Variants in ANKRD33B observed in about 807,000 individuals in gnomAD.
ANKRD33B encodes the protein ankyrin repeat domain-containing protein 33B.
ANKRD33B carries 6 observed loss-of-function variants against 21.5 expected under a neutral mutation model. That is an observed-to-expected ratio of 0.28 (90% CI 0.15 to 0.55). The LOEUF (loss-of-function observed/expected upper bound fraction) is 0.55. ANKRD33B is among the 20% of genes least tolerant of loss of function. The pLI is 0.94. For missense variants in ANKRD33B, 698 were observed against 747.2 expected, an observed-to-expected ratio of 0.93 and a Z score of 0.77; for synonymous variants, 347 against 342.4, an observed-to-expected ratio of 1.01 and a Z score of -0.15.
chr5:10,589,293 G>T (rs951376548), intron 1 of ANKRD33B, among the ~76,000 whole-genome samples: 7 of 152,008 alleles, frequency 4.6e-5, no homozygotes, highest in Middle Eastern at 3.4e-3. Flanking sequence ...CTTTGGTCTT[G>T]CCAGGGGTGC....
intron 1 of ANKRD33B, among the ~76,000 whole-genome samples, chr5:10,577,222 C>T (rs544874719): frequency 3.3e-5 from 5 of 152,224 alleles, no homozygotes; most frequent in South Asian, 2.1e-4. Context: ...CTTTGCCTCC[C>T]GGGCTCAAGC....
chr5:10,621,216 C>G (rs893391478), intron 2 of ANKRD33B, among the ~76,000 whole-genome samples: 8 of 152,162 alleles, frequency 5.3e-5, no homozygotes, highest in Admixed American at 1.3e-4. Context: ...TGGACTTTCC[C>G]AGTCCCTGTC....
At chr5:10,596,108 TA>T (rs1292471406) in intron 1 of ANKRD33B, among the ~76,000 whole-genome samples, 4 of 152,228 alleles carry the variant, frequency 2.6e-5, no homozygotes, top group Non-Finnish European at 1.5e-5. Flanking sequence ...CAGAATGACT[TA>T]ATTATGTACC....
At chr5:10,606,472 A>G (rs1736046312) in intron 1 of ANKRD33B, among the ~76,000 whole-genome samples, 1 of 152,192 alleles carries the variant, frequency 6.6e-6, no homozygotes, top group Non-Finnish European at 1.5e-5. Flanking sequence ...ACAGTAGCTC[A>G]CGCCTGTAAT....
chr5:10,609,427 C>CCATA, intron 1 of ANKRD33B, among the ~76,000 whole-genome samples: 1 of 152,178 alleles, frequency 6.6e-6, no homozygotes, highest in South Asian at 2.1e-4. Context: ...TGGTGCTCAC[C>CCATA]CATAGTCCCA....
intron 1 of ANKRD33B, 21 bp from the exon 2 acceptor site, chr5:10,618,312 G>A (rs768811221): frequency 6.5e-6 from 10 of 1,536,184 alleles, no homozygotes; most frequent in Admixed American, 2.0e-5. Context: ...CCTCTGACCC[G>A]CTTCCCCTCT....
intron 1 of ANKRD33B, among the ~76,000 whole-genome samples, chr5:10,603,679 G>A (rs907570685): frequency 6.6e-6 from 1 of 152,012 alleles, no homozygotes; most frequent in African/African-American, 2.4e-5. Context: ...TACTACTGAA[G>A]GCTTAGTGCA....
chr5:10,632,637 T>C (rs56085034), intron 2 of ANKRD33B, among the ~76,000 whole-genome samples: 63,752 of 151,636 alleles, frequency 0.42, 13,583 homozygotes, highest in Middle Eastern at 0.55. Context: ...CTCCCGTGGC[T>C]TCCTGGTGAG....
intron 3 of ANKRD33B, among the ~76,000 whole-genome samples, chr5:10,641,289 T>C (rs1048497781): frequency 4.2e-5 from 6 of 144,108 alleles, no homozygotes; most frequent in South Asian, 2.3e-4. Context: ...AGTGCGGTGG[T>C]GCAATCTCGG....
intron 1 of ANKRD33B, among the ~76,000 whole-genome samples, chr5:10,606,467 A>G (rs1287200122): frequency 6.6e-6 from 1 of 152,164 alleles, no homozygotes; most frequent in Non-Finnish European, 1.5e-5. Context: ...CTGGCACAGT[A>G]GCTCACGCCT....
At chr5:10,572,258 C>G (rs1395412621) in intron 1 of ANKRD33B, among the ~76,000 whole-genome samples, 1 of 152,178 alleles carries the variant, frequency 6.6e-6, no homozygotes, top group Non-Finnish European at 1.5e-5. Flanking sequence ...ATCACTGGTG[C>G]AGACTCTTGA....
intron 3 of ANKRD33B, among the ~76,000 whole-genome samples, chr5:10,644,404 T>C (rs1737142664): frequency 6.6e-6 from 1 of 152,244 alleles, no homozygotes; most frequent in Non-Finnish European, 1.5e-5. Flanking sequence ...ATGTGATTTT[T>C]TTCTGAAGAG....
intron 1 of ANKRD33B, among the ~76,000 whole-genome samples, chr5:10,591,638 G>A (rs1410365534): frequency 6.6e-6 from 1 of 152,016 alleles, no homozygotes; most frequent in East Asian, 1.9e-4. Flanking sequence ...TTATTGTTAA[G>A]CATATGGTGT....
chr5:10,653,575 G>A lies in ANKRD33B; in HGVS notation c.*3462G>A, dbSNP rs989382989. 9 of 152,384 alleles carry A rather than the reference G, an allele frequency of 5.9e-5. No homozygotes were observed. The highest frequency in any genetic ancestry group is 2.2e-4 in the African/African-American group (9 of 41,416). The allele number at this position is 152,384 out of a possible 1,614,324, so 9.4% of individuals were successfully genotyped here. A position where few individuals can be genotyped will look rare whatever the true frequency, so the allele number is the denominator to read the frequency against. On this transcript the variant is annotated 3_prime_UTR_variant, in exon 4 of 4. Coordinates refer to ENST00000296657, the MANE Select transcript of ANKRD33B (RefSeq NM_001164440.2). ...GGGTAAGGAATTCCTCATGGGAGGT[G>A]TGGTCATCTGGTCGTAGAGGTGGAC...
At chr5:10,623,096 G>A (rs1736460061) in intron 2 of ANKRD33B, among the ~76,000 whole-genome samples, 1 of 152,108 alleles carries the variant, frequency 6.6e-6, no homozygotes, top group Non-Finnish European at 1.5e-5. Flanking sequence ...AACAACCAAG[G>A]AGCAGCCCCC....
chr5:10,592,592 A>C (rs1455629167), intron 1 of ANKRD33B, among the ~76,000 whole-genome samples: 9 of 149,030 alleles, frequency 6.0e-5, no homozygotes, highest in Non-Finnish European at 1.0e-4. Context: ...GCACCACTGC[A>C]CTCCAGCCTG....
chr5:10,632,479 T>C (rs7707533), intron 2 of ANKRD33B, among the ~76,000 whole-genome samples: 64,110 of 151,980 alleles, frequency 0.42, 13,762 homozygotes, highest in Middle Eastern at 0.55. Flanking sequence ...ACCAGGGGTG[T>C]GGCGGGGCCA....
At chr5:10,596,881 G>C (rs976512198) in intron 1 of ANKRD33B, among the ~76,000 whole-genome samples, 1 of 152,088 alleles carries the variant, frequency 6.6e-6, no homozygotes, top group Non-Finnish European at 1.5e-5. Context: ...GAAGAGATTG[G>C]GGGACAATAT....
rs1177609424 is a variant in ANKRD33B, at chr5:10,564,590, G to A, written c.123G>A (p.Glu41=). 6.5e-7 allele frequency: 1 copy of A among 1,534,802 alleles called. No individual in the cohort carries two copies. Among genetic ancestry groups the A allele is most frequent in the East Asian group, 2.4e-5 (1 of 40,884 alleles). ...ACCCCGCTGACTACGAAGAGTTTGA[G>A]GACTTCTCGAGTCTGCCAGACACCC... is the stretch of plus-strand genomic sequence containing the variant. The part of the protein sequence containing the change: ...EEDPADYEEF[E]DFSSLPDTRS... Residue 41 remains glutamate (E), a synonymous_variant, in exon 1 of 4, where the codon GAG becomes GAA. Transcript: ENST00000296657.
Sources: gnomAD v4.1 joint callset for allele counts (sites outside exome capture counted in the v4.1 genomes callset) on GRCh38, gnomAD v4.1.1 for gene constraint, MANE v1.5 for transcripts, NCBI Gene and HGNC (gene_info 2026-07-23, HGNC 2026-07-21) for gene names.